AMOTL1: variants seen among roughly 807,000 people sequenced by gnomAD.
The protein encoded by AMOTL1 is angiomotin-like protein 1.
In AMOTL1, 45 loss-of-function variants were observed where a neutral mutation model predicts 102.9. The ratio of observed to expected loss-of-function variants is 0.44; its 90% CI spans 0.34 to 0.56. AMOTL1 has a LOEUF of 0.56. Ranked by LOEUF, AMOTL1 falls within the 20% of genes least tolerant of loss-of-function variation. The pLI, the probability that AMOTL1 is intolerant of heterozygous loss-of-function variation, is 0.01. For synonymous variants in AMOTL1, 481 were observed against 484.7 expected (o/e 0.99, Z 0.10); for missense variants, 1,114 against 1,225.6 (o/e 0.91, Z 1.36).
At chr11:94,728,889 A>G (rs1271507705) in intron 1 of AMOTL1, 2 of 1,063,304 alleles carry the variant, frequency 1.9e-6, no homozygotes, top group Non-Finnish European at 2.5e-6. Context: ...TGGTAATTCA[A>G]ATCCCTTTTT....
At chr11:94,825,966 GA>G (rs1951955015) in intron 4 of AMOTL1, among the ~76,000 whole-genome samples, 1 of 152,108 alleles carries the variant, frequency 6.6e-6, no homozygotes, top group African/African-American at 2.4e-5. Flanking sequence ...ATGTAGTTAG[GA>G]AATGTTTCTT....
chr11:94,874,081 C>T lies in AMOTL1; in HGVS notation c.*3286C>T, dbSNP rs1440252532. The T allele has an allele frequency of 1.3e-5, 2 of 152,196 alleles. No individual in the cohort carries two copies. The highest frequency in any genetic ancestry group is 4.8e-5 in the African/African-American group (2 of 41,432). The allele number at this position is 152,196 out of a possible 1,614,324, so 9.4% of individuals were successfully genotyped here. On this transcript the variant is annotated 3_prime_UTR_variant, in exon 13 of 13. Coordinates refer to ENST00000433060, the MANE Select transcript of AMOTL1 (RefSeq NM_130847.3). Reference sequence around the variant, plus strand: ...GGTATTCCAGCATTGTTCTGCTTCACCCTTGACTGCGTTGTCTGGCAGTTT... The same window carrying T: ...GGTATTCCAGCATTGTTCTGCTTCATCCTTGACTGCGTTGTCTGGCAGTTT...
At chr11:94,716,499 T>C (rs1183702647) in intron 1 of AMOTL1, among the ~76,000 whole-genome samples, 1 of 152,140 alleles carries the variant, frequency 6.6e-6, no homozygotes, top group Non-Finnish European at 1.5e-5. Flanking sequence ...CAGTCACCCT[T>C]TTGGGGCTTA....
intron 3 of AMOTL1, among the ~76,000 whole-genome samples, chr11:94,758,002 C>T (rs1225919133): frequency 6.6e-6 from 1 of 152,160 alleles, no homozygotes; most frequent in Non-Finnish European, 1.5e-5. Context: ...GCAGAAGTTG[C>T]AGTGAGCCAA....
chr11:94,859,604 A>T lies in AMOTL1; in HGVS notation c.2024A>T (p.Glu675Val). 1 of 1,613,954 alleles carries T rather than the reference A, an allele frequency of 6.2e-7. No homozygotes were observed. Among genetic ancestry groups the T allele is most frequent in the African/African-American group, 1.3e-5 (1 of 75,042 alleles). ...CTGGAACTTGTGCGGGAGAAGGAGG[A>T]GCGGATCCTGGCCCTGGAGGCCGAC... Reference protein sequence around the residue: ...ALLELVREKEERILALEADMT... With the variant: ...ALLELVREKEVRILALEADMT... The change falls in exon 9 of 13, where the codon GAG becomes GTG. Residue 675 changes from glutamate (E) to valine (V), a missense_variant. Glu to Val is a moderately radical substitution (Grantham distance 121). Coordinates refer to ENST00000433060, the MANE Select transcript of AMOTL1 (RefSeq NM_130847.3).
chr11:94,726,328 G>C (rs1950257366), intron 1 of AMOTL1, among the ~76,000 whole-genome samples: 1 of 152,092 alleles, frequency 6.6e-6, no homozygotes, highest in Non-Finnish European at 1.5e-5. Context: ...CTAATACCTA[G>C]GTAGAGTCTT....
intron 6 of AMOTL1, among the ~76,000 whole-genome samples, chr11:94,837,126 C>A (rs932368206): frequency 6.6e-6 from 1 of 152,196 alleles, no homozygotes; most frequent in African/African-American, 2.4e-5. Context: ...TAGGACTATG[C>A]AGTTCTAAAA....
intron 6 of AMOTL1, among the ~76,000 whole-genome samples, chr11:94,843,972 G>T (rs1371011476): frequency 6.6e-6 from 1 of 152,160 alleles, no homozygotes; most frequent in African/African-American, 2.4e-5. Context: ...GGACACTGTT[G>T]TACATGGCTC....
At chr11:94,761,911 T>C (rs933709217) in intron 3 of AMOTL1, among the ~76,000 whole-genome samples, 7 of 152,208 alleles carry the variant, frequency 4.6e-5, no homozygotes, top group Admixed American at 6.5e-5. Context: ...TCACTGTTCT[T>C]TCTATGAACT....
intron 2 of AMOTL1, among the ~76,000 whole-genome samples, chr11:94,740,510 C>T (rs1455097157): frequency 2.6e-5 from 4 of 151,688 alleles, no homozygotes; most frequent in Non-Finnish European, 5.9e-5. Context: ...CTCGCCGCCG[C>T]CGCCGCGCGC....
intron 6 of AMOTL1, among the ~76,000 whole-genome samples, chr11:94,844,290 GC>G (rs1279112421): frequency 6.6e-6 from 1 of 152,032 alleles, no homozygotes; most frequent in African/African-American, 2.4e-5. Context: ...AACAGAATTA[GC>G]TTGGCCTATT....
At chr11:94,768,332 G>A (rs1950883603), upstream of AMOTL1, 6 of 1,356,766 alleles carry the variant, frequency 4.4e-6, no homozygotes, top group Non-Finnish European at 5.7e-6. Context: ...CGCGCGGGGA[G>A]CGGGGAGCGC....
At chr11:94,797,594 C>G (rs1348184019) in intron 2 of AMOTL1, among the ~76,000 whole-genome samples, 2 of 152,194 alleles carry the variant, frequency 1.3e-5, no homozygotes, top group African/African-American at 2.4e-5. Context: ...GAAAAAGGCT[C>G]AGGCCTGCAG....
At chr11:94,848,266 C>T (rs991701082) in intron 6 of AMOTL1, among the ~76,000 whole-genome samples, 4 of 152,166 alleles carry the variant, frequency 2.6e-5, no homozygotes, top group Non-Finnish European at 5.9e-5. Context: ...CTCACATGCC[C>T]GTGGATTGGG....
At chr11:94,781,082 C>T (rs897864379) in intron 1 of AMOTL1, among the ~76,000 whole-genome samples, 1 of 152,130 alleles carries the variant, frequency 6.6e-6, no homozygotes, top group East Asian at 1.9e-4. Flanking sequence ...ATTGCAATTT[C>T]TTTTCTCCTC....
At chr11:94,868,050 G>A (rs928919376) in intron 11 of AMOTL1, among the ~76,000 whole-genome samples, 6 of 152,228 alleles carry the variant, frequency 3.9e-5, no homozygotes, top group African/African-American at 1.4e-4. Flanking sequence ...GTGGTCTGTG[G>A]ACCAGTGGCA....
chr11:94,778,263 G>T (rs959789195), intron 1 of AMOTL1, among the ~76,000 whole-genome samples: 1 of 152,166 alleles, frequency 6.6e-6, no homozygotes, highest in East Asian at 1.9e-4. Flanking sequence ...AAGTGTGGGG[G>T]TATCTTACTA....
intron 6 of AMOTL1, among the ~76,000 whole-genome samples, chr11:94,835,347 A>G (rs769149549): frequency 1.3e-5 from 2 of 152,178 alleles, no homozygotes; most frequent in African/African-American, 4.8e-5. Context: ...TCACATACAC[A>G]CATGCATACC....
At chr11:94,869,132 C>G in intron 11 of AMOTL1, 66 bp from the exon 12 acceptor site, 1 of 1,451,950 alleles carries the variant, frequency 6.9e-7, no homozygotes, top group South Asian at 1.5e-5. Flanking sequence ...AACAGATCTG[C>G]AAGACTAGAT....
Sources: gnomAD v4.1 joint callset for allele counts (sites outside exome capture counted in the v4.1 genomes callset) on GRCh38, gnomAD v4.1.1 for gene constraint, MANE v1.5 for transcripts, NCBI Gene and HGNC (gene_info 2026-07-23, HGNC 2026-07-21) for gene names.